The following GDA variants were observed in gnomAD, a reference collection of about 807,000 sequenced individuals.
GDA encodes guanine deaminase.
A neutral mutation model predicts 59.6 loss-of-function variants in GDA; 18 were observed. The observed-to-expected ratio is 0.30, with a 90% CI of 0.21 to 0.45. The LOEUF (loss-of-function observed/expected upper bound fraction) is 0.45, where lower values mean the gene tolerates loss of function less well. GDA is among the 20% of genes least tolerant of loss of function. GDA has a pLI of 1.00. For missense variants in GDA, 427 were observed against 552.3 expected, an observed-to-expected ratio of 0.77 and a Z score of 2.27; for synonymous variants, 201 against 201.1, an observed-to-expected ratio of 1.00 and a Z score of 0.00.
chr9:72,210,118 C>T (rs2131422483), intron 3 of GDA, among the ~76,000 whole-genome samples: 1 of 152,314 alleles, frequency 6.6e-6, no homozygotes, highest in South Asian at 2.1e-4. Flanking sequence ...ACACTTCTCT[C>T]CTTCTTTCCA....
At chr9:72,194,297 G>A (rs1039547794) in intron 1 of GDA, 1 of 152,128 alleles carries the variant, frequency 6.6e-6, no homozygotes, top group African/African-American at 2.4e-5. Flanking sequence ...TGGTTATTCA[G>A]GGCCCAAGGG....
chr9:72,190,122 G>GTTTT (rs1832351410), intron 1 of GDA, among the ~76,000 whole-genome samples: 1 of 151,838 alleles, frequency 6.6e-6, no homozygotes, highest in African/African-American at 2.4e-5. Flanking sequence ...TTGTTTTTTT[G>GTTTT]TTTGTTTGTT....
chr9:72,244,935 T>C (rs1260572188), intron 11 of GDA, among the ~76,000 whole-genome samples: 1 of 152,210 alleles, frequency 6.6e-6, no homozygotes, highest in African/African-American at 2.4e-5. Context: ...TTGTTTTCAT[T>C]CTCAGATTTT....
rs1840489963 is a variant in GDA, at chr9:72,249,593, T to C, written c.*1251T>C. 1.6e-6 allele frequency: 1 copy of C among 644,324 alleles called. No individual in the cohort carries two copies. The highest frequency in any genetic ancestry group is 1.9e-6 in the Non-Finnish European group (1 of 519,046). 39.9% of individuals were successfully genotyped at this position (644,324 alleles called of 1,614,324 possible). ...CATTACAAAGCAAAGACTATTTTTA[T>C]GCTTCCATAACCTAGAATTAAAACC... On this transcript the variant is annotated 3_prime_UTR_variant, in exon 14 of 14. Coordinates refer to ENST00000358399, the MANE Select transcript of GDA (RefSeq NM_004293.5).
intron 11 of GDA, among the ~76,000 whole-genome samples, chr9:72,242,638 C>A (rs1233629607): frequency 6.6e-6 from 1 of 152,176 alleles, no homozygotes; most frequent in East Asian, 1.9e-4. Context: ...ACACCATAAG[C>A]ACATTTCAAG....
rs1563918454 is a variant in GDA at position 72,168,015 on chromosome 9, A to G, written c.123+18333A>G. Among the ~76,000 whole-genome samples the G allele has an allele frequency of 2.0e-5, 3 of 152,192 alleles. No homozygotes were observed. In the South Asian group the frequency reaches 6.2e-4, roughly 32 times the overall value. On this transcript the variant is annotated intron_variant, in intron 1 of 13. Transcript: ENST00000358399. The stretch of plus-strand genomic sequence containing the variant: ...TTAGGTCTTACTCACATCATTCCCT[A>G]GTGCTGGGGTACATCACCTGGGAGA...
intron 11 of GDA, among the ~76,000 whole-genome samples, chr9:72,242,513 G>T (rs909595980): frequency 3.9e-5 from 6 of 152,138 alleles, no homozygotes; most frequent in African/African-American, 1.2e-4. Context: ...AAACATATTG[G>T]GTGTAGATTT....
At chr9:72,116,379 C>A (rs1419105354) in intron 1 of GDA, among the ~76,000 whole-genome samples, 1 of 141,904 alleles carries the variant, frequency 7.0e-6, no homozygotes, top group Non-Finnish European at 1.5e-5. Flanking sequence ...TATGAAGTTT[C>A]CCCAGCCTTT....
At position 72,248,182 on chromosome 9, in the gene GDA, G is replaced by A. The variant is rs117584965; in HGVS notation, c.1295-90G>A. On this transcript the variant is annotated intron_variant, in intron 13 of 13. Transcript: ENST00000358399. ...GCTTTTAGTATTTCCTCTCCTAGAAGTATCTTTAAAAAAAATCTCTCCCAA... is the reference window on the plus strand; with the variant it reads ...GCTTTTAGTATTTCCTCTCCTAGAAATATCTTTAAAAAAAATCTCTCCCAA... The A allele has an allele frequency of 6.0e-4, 516 of 866,702 alleles. 4 individuals carry two copies. The highest frequency in any genetic ancestry group is 8.3e-4 in the Non-Finnish European group (420 of 506,390). 53.7% of individuals were successfully genotyped at this position (866,702 alleles called of 1,614,324 possible). A position where few individuals can be genotyped will look rare whatever the true frequency, so the allele number is the denominator to read the frequency against.
At chr9:72,187,588 G>T (rs1832015360) in intron 1 of GDA, among the ~76,000 whole-genome samples, 1 of 152,200 alleles carries the variant, frequency 6.6e-6, no homozygotes, top group Non-Finnish European at 1.5e-5. Flanking sequence ...ACCAACACCA[G>T]GGTTGTTGGA....
At chr9:72,137,512 C>T (rs1423376593) in intron 1 of GDA, among the ~76,000 whole-genome samples, 1 of 152,028 alleles carries the variant, frequency 6.6e-6, no homozygotes, top group African/African-American at 2.4e-5. Context: ...TTCCAAAGTG[C>T]TGGGATTACA....
chr9:72,204,376 G>A (rs1201820281), intron 3 of GDA, among the ~76,000 whole-genome samples: 2 of 151,976 alleles, frequency 1.3e-5, no homozygotes, highest in Non-Finnish European at 2.9e-5. Flanking sequence ...AAAAGAAAAT[G>A]AGTCATGATA....
At chr9:72,231,054 T>C in intron 9 of GDA, 60 bp from the exon 10 acceptor site, 1 of 918,776 alleles carries the variant, frequency 1.1e-6, no homozygotes, top group South Asian at 1.3e-5. Context: ...TTGTTATTAG[T>C]GTTCATCTTT....
intron 2 of GDA, among the ~76,000 whole-genome samples, chr9:72,201,302 C>T (rs1339745631): frequency 1.3e-5 from 2 of 151,992 alleles, no homozygotes; most frequent in African/African-American, 2.4e-5. Flanking sequence ...AACTCAACTG[C>T]TGCCCACAGA....
At chr9:72,144,316 A>G (rs1462382294) in intron 1 of GDA, among the ~76,000 whole-genome samples, 1 of 152,220 alleles carries the variant, frequency 6.6e-6, no homozygotes, top group Non-Finnish European at 1.5e-5. Flanking sequence ...TTCAGCATCA[A>G]TTGTTAAGTG....
intron 1 of GDA, 91 bp from the exon 2 acceptor site, chr9:72,195,409 C>A: frequency 7.0e-6 from 2 of 285,326 alleles, no homozygotes; most frequent in Non-Finnish European, 1.3e-5. Context: ...CAGCTATAGT[C>A]TCTTTTAAGA....
At chr9:72,240,021 T>C (rs1839438985) in intron 10 of GDA, among the ~76,000 whole-genome samples, 1 of 152,308 alleles carries the variant, frequency 6.6e-6, no homozygotes, top group East Asian at 1.9e-4. Context: ...TAGCTATAAG[T>C]GTGTTTTTCT....
intron 2 of GDA, among the ~76,000 whole-genome samples, chr9:72,200,033 T>G (rs978475425): frequency 1.4e-5 from 2 of 146,874 alleles, no homozygotes; most frequent in African/African-American, 2.6e-5. Flanking sequence ...AGTCTCGCTC[T>G]GTCACCCAGG....
intron 1 of GDA, 127 bp downstream of exon 1, chr9:72,149,809 C>G (rs906429391): frequency 1.7e-5 from 17 of 993,856 alleles, no homozygotes; most frequent in Non-Finnish European, 2.4e-5. Context: ...CGGAGTTGAA[C>G]TTGAGTCTTT....
Sources: allele counts gnomAD v4.1 joint callset (sites outside exome capture counted in the v4.1 genomes callset), GRCh38; gene constraint gnomAD v4.1.1; transcripts MANE v1.5; gene names NCBI Gene and HGNC (gene_info 2026-07-23, HGNC 2026-07-21).